PPP4R1: variants seen among roughly 807,000 people sequenced by gnomAD.
PPP4R1 encodes serine/threonine-protein phosphatase 4 regulatory subunit 1.
Under a neutral mutation model 111.2 loss-of-function variants are expected in PPP4R1, and 42 were observed. That is an observed-to-expected ratio of 0.38 (90% CI 0.29 to 0.49). The LOEUF is 0.49. PPP4R1 is among the 20% of genes least tolerant of loss of function. The pLI is 0.97. For missense variants in PPP4R1, 1,012 were observed against 1,161.6 expected (o/e 0.87, Z 1.87); for synonymous variants, 409 against 405.5 (o/e 1.01, Z -0.10).
rs374244676 is a variant in PPP4R1 at position 9,567,215 on chromosome 18, A to T, written c.1573+2942T>A. On this transcript the variant is annotated intron_variant, in intron 11 of 19. Transcript: ENST00000400556. ...GGGAGTATGGAAGAAGGTAATTTCA[A>T]CCCTCATAAATGACTGAAGGATTCA... 7.2e-5 allele frequency among the ~76,000 whole-genome samples: 11 copies of T among 152,336 alleles called. No individual in the cohort carries two copies. The East Asian group carries it at 1.3e-3, about 19-fold the overall frequency.
intron 2 of PPP4R1, among the ~76,000 whole-genome samples, chr18:9,603,826 A>T (rs2067433534): frequency 6.6e-6 from 1 of 152,190 alleles, no homozygotes; most frequent in Non-Finnish European, 1.5e-5. Context: ...GTGCAAAGAA[A>T]TGTGACTGGG....
At chr18:9,571,031 T>A (rs1461159840) in intron 10 of PPP4R1, among the ~76,000 whole-genome samples, 2 of 152,194 alleles carry the variant, frequency 1.3e-5, no homozygotes, top group African/African-American at 4.8e-5. Flanking sequence ...ACAATCATTT[T>A]AAGATACATA....
At chr18:9,591,101 A>T (rs1488276659) in intron 4 of PPP4R1, among the ~76,000 whole-genome samples, 2 of 152,168 alleles carry the variant, frequency 1.3e-5, no homozygotes, top group Admixed American at 1.3e-4. Context: ...TAATACCAGC[A>T]CTTTGGGAGG....
In PPP4R1 at chr18:9,570,334, T is replaced by C. The variant is rs773913959; in HGVS notation, c.1396A>G (p.Ile466Val). The change falls in exon 11 of 20, where the codon ATA becomes GTA. Residue 466 changes from isoleucine to valine, a missense_variant. Physicochemically the swap from Ile to Val is conservative, Grantham distance 29. Around this residue, in one of 2 missense-constraint regions of PPP4R1, gnomAD observed 707 missense variants for 742.1 expected, o/e 0.95. Transcript: ENST00000400556. ...FHFWRTPLPEIDLDIELEQNS... is the reference protein window; with the variant it reads ...FHFWRTPLPEVDLDIELEQNS... ...TGTTCAAGCTCTATGTCTAGATCTA[T>C]TTCAGGAAGAGGAGTCCTCCAGAAA... is the stretch of plus-strand genomic sequence containing the variant. The C allele has an allele frequency of 3.7e-6, 6 of 1,611,654 alleles. No individual in the cohort carries two copies. The Admixed American group carries it at 8.4e-5, about 23-fold the overall frequency.
At chr18:9,611,379 G>A (rs537326867) in intron 2 of PPP4R1, among the ~76,000 whole-genome samples, 2 of 151,914 alleles carry the variant, frequency 1.3e-5, no homozygotes, top group African/African-American at 4.8e-5. Flanking sequence ...CTACCTTTGG[G>A]TCCTCTACCT....
chr18:9,560,508 G>A (rs329022), intron 13 of PPP4R1, among the ~76,000 whole-genome samples: 152,208 of 152,268 alleles, frequency 1, 76,074 homozygotes, highest in Non-Finnish European at 1. Context: ...AAAACTGAGA[G>A]GGGAACATCA....
At chr18:9,613,931 A>G (rs977322452) in intron 2 of PPP4R1, 2 of 225,658 alleles carry the variant, frequency 8.9e-6, no homozygotes, top group Non-Finnish European at 8.7e-6. Flanking sequence ...CTTCCAAAAC[A>G]GCCGCGCCAC....
Position 9,614,264 on chromosome 18 carries a change from G to C in PPP4R1, c.14C>G (p.Ser5Trp). ...CTCCTGCAGGTCCTCCTGAAGCAGC[G>C]AGAGGTCTGCGCCGAGGGGAGAGAA... MADL[S>W]LLQEDLQEDA... Residue 5 changes from serine (S) to tryptophan (W), a missense_variant, in exon 2 of 20, where the codon TCG becomes TGG. This residue lies in a region of PPP4R1 where 707 missense variants were observed against 742.1 expected (regional missense o/e 0.95). Coordinates refer to ENST00000400556, the MANE Select transcript of PPP4R1 (RefSeq NM_001042388.3). This position sits in a 1 kb window ranked among gnomAD's most constrained non-coding sequence, Gnocchi z 4.1. 7.4e-7 allele frequency: 1 copy of C among 1,346,020 alleles called. No individual in the cohort carries two copies. 83.4% of individuals were successfully genotyped at this position (1,346,020 alleles called of 1,614,324 possible). A position where few individuals can be genotyped will look rare whatever the true frequency, so the allele number is the denominator to read the frequency against.
At chr18:9,598,323 GT>G (rs2067323764) in intron 2 of PPP4R1, among the ~76,000 whole-genome samples, 1 of 152,086 alleles carries the variant, frequency 6.6e-6, no homozygotes, top group South Asian at 2.1e-4. Context: ...GATTCAAGGG[GT>G]TCAATGAAAC....
chr18:9,557,503 A>C, intron 14 of PPP4R1, 121 bp from the exon 15 acceptor site: 1 of 855,106 alleles, frequency 1.2e-6, no homozygotes, highest in Non-Finnish European at 1.7e-6. Context: ...TTAAATCAGA[A>C]TAACAGATAC....
intron 6 of PPP4R1, among the ~76,000 whole-genome samples, chr18:9,586,075 C>T (rs2067111179): frequency 2.0e-5 from 3 of 151,878 alleles, no homozygotes; most frequent in Admixed American, 1.3e-4. Context: ...CAAAGTTATG[C>T]TGTATATCAC....
Position 9,584,499 on chromosome 18 carries a change from T to C in PPP4R1, c.759+16A>G. 1.9e-6 allele frequency: 3 copies of C among 1,604,430 alleles called. No individual in the cohort carries two copies. Among genetic ancestry groups the C allele is most frequent in the Non-Finnish European group, 2.6e-6 (3 of 1,176,088 alleles). ...GTAACACACACTGTTTACTCCTTTATATCTGCAATACTTACCAACATTTCT... is the reference window on the plus strand; with the variant it reads ...GTAACACACACTGTTTACTCCTTTACATCTGCAATACTTACCAACATTTCT... On this transcript the variant is annotated intron_variant, in intron 8 of 19. Transcript: ENST00000400556.
chr18:9,573,280 C>T (rs949656087), intron 10 of PPP4R1, among the ~76,000 whole-genome samples: 11 of 152,126 alleles, frequency 7.2e-5, no homozygotes, highest in South Asian at 4.1e-4. Flanking sequence ...GGTAACTGGA[C>T]TACAGTTATA....
chr18:9,551,216 A>AAG (rs1369557590), intron 16 of PPP4R1: 1 of 152,214 alleles, frequency 6.6e-6, no homozygotes, highest in African/African-American at 2.4e-5. Context: ...CAGTAGAAAA[A>AAG]GCTACATAAA....
At position 9,549,278 on chromosome 18, in the gene PPP4R1, G is replaced by A. The variant is rs756103945; in HGVS notation, c.2608C>T (p.Leu870=). The A allele has an allele frequency of 6.2e-7, 1 of 1,613,898 alleles. No individual in the cohort carries two copies. The highest frequency in any genetic ancestry group is 8.5e-7 in the Non-Finnish European group (1 of 1,179,768). Residue 870 remains leucine, a synonymous_variant, in exon 19 of 20, where the codon CTG becomes TTG. Transcript: ENST00000400556. ...ACCCTGTCATTTGCTAAGGTTAGCA[G>A]ATGCGGCATGAGATGCACAGCAAAC... ...DQFAVHLMPH[L]LTLANDRVPN... is the part of the protein sequence containing the mutation.
intron 11 of PPP4R1, among the ~76,000 whole-genome samples, chr18:9,568,097 T>C (rs558027177): frequency 6.6e-6 from 1 of 152,318 alleles, no homozygotes; most frequent in East Asian, 1.9e-4. Flanking sequence ...AGTGCAATCA[T>C]AGCTACTGAA....
chr18:9,614,347 C>A lies in PPP4R1; in HGVS notation c.8-77G>T. ...CGACGCCCCCCCCCCGCCCGCCTCC[C>A]CCCCGCCCCGGGGGCGCCTTCCCGC... On this transcript the variant is annotated intron_variant, in intron 1 of 19. Coordinates refer to ENST00000400556, the MANE Select transcript of PPP4R1 (RefSeq NM_001042388.3). The surrounding 1 kb of genome is among the most constrained non-coding windows in gnomAD (Gnocchi z 4.1). 1.9e-6 allele frequency: 2 copies of A among 1,078,172 alleles called. No individual in the cohort carries two copies. Among genetic ancestry groups the A allele is most frequent in the South Asian group, 8.7e-5 (2 of 22,904 alleles). 66.8% of individuals were successfully genotyped at this position (1,078,172 alleles called of 1,614,324 possible). A position where few individuals can be genotyped will look rare whatever the true frequency, so the allele number is the denominator to read the frequency against.
intron 13 of PPP4R1, among the ~76,000 whole-genome samples, chr18:9,560,061 A>C (rs963751715): frequency 1.6e-4 from 24 of 152,172 alleles, no homozygotes; most frequent in Admixed American, 3.9e-4. Context: ...TGAGAAGCCA[A>C]GGAGGGTGGA....
intron 12 of PPP4R1, among the ~76,000 whole-genome samples, chr18:9,562,752 G>A (rs149888967): frequency 6.6e-6 from 1 of 152,252 alleles, no homozygotes; most frequent in Non-Finnish European, 1.5e-5. Flanking sequence ...GTGACCATGC[G>A]ATTCTGGCAA....
Sources: allele counts gnomAD v4.1 joint callset (sites outside exome capture counted in the v4.1 genomes callset), GRCh38; gene constraint gnomAD v4.1.1; regional missense constraint gnomAD v4.1.1; non-coding constraint Gnocchi (gnomAD v3.1); transcripts MANE v1.5; gene names NCBI Gene and HGNC (gene_info 2026-07-23, HGNC 2026-07-21).